The following CTNNA2 variants were observed in gnomAD, a reference collection of about 807,000 sequenced individuals.
CTNNA2 encodes catenin alpha 2.
CTNNA2 carries 42 observed loss-of-function variants against 101.0 expected under a neutral mutation model. The observed-to-expected ratio is 0.42, with a 90% confidence interval of 0.32 to 0.54. The LOEUF is 0.54. Among genes scored for constraint, CTNNA2 ranks in the 20% least tolerant of loss-of-function variants. CTNNA2 has a pLI of 0.14. For synonymous variants in CTNNA2, 450 were observed against 456.4 expected (o/e 0.99, Z 0.18); for missense variants, 871 against 1,223.1 (o/e 0.71, Z 4.29).
At chr2:79,338,365 T>C (rs1246554765) in intron 3 of CTNNA2, among the ~76,000 whole-genome samples, 3 of 151,692 alleles carry the variant, frequency 2.0e-5, no homozygotes, top group African/African-American at 7.3e-5. Flanking sequence ...CTATTCACAG[T>C]GAGTCCAGTG....
chr2:79,818,191 C>T (rs1677686110), intron 3 of CTNNA2, among the ~76,000 whole-genome samples: 1 of 152,122 alleles, frequency 6.6e-6, no homozygotes, highest in South Asian at 2.1e-4. Flanking sequence ...AGGAAGTTTG[C>T]TCTTTGTTCA....
intron 4 of CTNNA2, among the ~76,000 whole-genome samples, chr2:79,493,123 G>A (rs1347251834): frequency 6.6e-6 from 1 of 151,900 alleles, no homozygotes; most frequent in African/African-American, 2.4e-5. Context: ...AACAAGACAA[G>A]GATAACTGCT....
chr2:79,332,539 A>G (rs1053577030), intron 3 of CTNNA2, among the ~76,000 whole-genome samples: 1 of 152,222 alleles, frequency 6.6e-6, no homozygotes, highest in Non-Finnish European at 1.5e-5. Context: ...GTAGGATTGT[A>G]GAAAAATCTT....
intron 4 of CTNNA2, among the ~76,000 whole-genome samples, chr2:79,475,366 A>C (rs1443411540): frequency 6.6e-6 from 1 of 152,172 alleles, no homozygotes; most frequent in Non-Finnish European, 1.5e-5. Context: ...TCCAGGAAAA[A>C]AGGGAAGACA....
intron 7 of CTNNA2, among the ~76,000 whole-genome samples, chr2:80,257,252 T>C (rs1672244540): frequency 6.6e-6 from 1 of 151,624 alleles, no homozygotes. Flanking sequence ...TGTATATAAA[T>C]ACATACATAT....
chr2:79,799,181 GTT>G (rs72397142), intron 3 of CTNNA2, among the ~76,000 whole-genome samples: 46 of 143,672 alleles, frequency 3.2e-4, no homozygotes, highest in Non-Finnish European at 5.3e-4. Flanking sequence ...CTCAGATCTT[GTT>G]TTTTTTTTTT....
chr2:80,510,265 T>G (rs1158452104), intron 9 of CTNNA2, among the ~76,000 whole-genome samples: 1 of 152,202 alleles, frequency 6.6e-6, no homozygotes, highest in Non-Finnish European at 1.5e-5. Flanking sequence ...ATGTTGATGA[T>G]TACTACCTGT....
chr2:80,217,703 A>G (rs1365542184), intron 7 of CTNNA2, among the ~76,000 whole-genome samples: 1 of 152,126 alleles, frequency 6.6e-6, no homozygotes, highest in African/African-American at 2.4e-5. Context: ...CTGTGTAATG[A>G]TTTTGTTGTT....
chr2:79,246,063 T>C (rs996084119), intron 2 of CTNNA2, among the ~76,000 whole-genome samples: 1 of 152,272 alleles, frequency 6.6e-6, no homozygotes, highest in African/African-American at 2.4e-5. Flanking sequence ...TAAGTGATTT[T>C]CTCTAAACTT....
At chr2:79,462,338 T>TCTTCA (rs1276208700) in intron 4 of CTNNA2, among the ~76,000 whole-genome samples, 3 of 152,208 alleles carry the variant, frequency 2.0e-5, no homozygotes, top group Admixed American at 2.0e-4. Context: ...ATAATTTATC[T>TCTTCA]AGAGATTCAA....
chr2:80,333,422 A>C (rs570930473), intron 7 of CTNNA2, among the ~76,000 whole-genome samples: 1 of 152,326 alleles, frequency 6.6e-6, no homozygotes, highest in Non-Finnish European at 1.5e-5. Context: ...TTTAGAGAGC[A>C]TGTGAGGAAG....
intron 2 of CTNNA2, among the ~76,000 whole-genome samples, chr2:79,295,503 T>C (rs1476103729): frequency 6.6e-6 from 1 of 152,072 alleles, no homozygotes; most frequent in African/African-American, 2.4e-5. Flanking sequence ...TTCTTTTTTT[T>C]CTTTTTCTTT....
chr2:80,102,924 G>T (rs1700635230), intron 7 of CTNNA2, among the ~76,000 whole-genome samples: 1 of 152,150 alleles, frequency 6.6e-6, no homozygotes, highest in Non-Finnish European at 1.5e-5. Context: ...GACAGTGGGG[G>T]GCAGACCTAG....
At chr2:80,134,325 G>A (rs1341969569) in intron 7 of CTNNA2, among the ~76,000 whole-genome samples, 1 of 152,084 alleles carries the variant, frequency 6.6e-6, no homozygotes, top group Non-Finnish European at 1.5e-5. Context: ...AGGAGGCAGG[G>A]ATGAGACAAA....
intron 4 of CTNNA2, among the ~76,000 whole-genome samples, chr2:79,433,852 A>G (rs1159598): frequency 0.48 from 73,100 of 152,038 alleles, 18,378 homozygotes; most frequent in East Asian, 0.64. Flanking sequence ...CATTCATCAG[A>G]ATTTCGCACA....
At chr2:79,799,787 A>T (rs1309328371) in intron 3 of CTNNA2, among the ~76,000 whole-genome samples, 1 of 152,156 alleles carries the variant, frequency 6.6e-6, no homozygotes, top group Admixed American at 6.6e-5. Context: ...TTATTTTTCC[A>T]CAGGGTTATG....
intron 2 of CTNNA2, among the ~76,000 whole-genome samples, chr2:79,660,681 G>A (rs374045319): frequency 6.6e-6 from 1 of 152,038 alleles, no homozygotes; most frequent in Non-Finnish European, 1.5e-5. Context: ...TAACCAGTGT[G>A]TAGTCTGGAA....
intron 7 of CTNNA2, among the ~76,000 whole-genome samples, chr2:80,180,882 G>T (rs933882543): frequency 6.6e-6 from 1 of 152,102 alleles, no homozygotes; most frequent in Admixed American, 6.5e-5. Flanking sequence ...GCAAATAAAC[G>T]ATTAGACCAT....
chr2:79,234,405 C>A (rs1459318091), intron 2 of CTNNA2, among the ~76,000 whole-genome samples: 1 of 152,178 alleles, frequency 6.6e-6, no homozygotes, highest in Non-Finnish European at 1.5e-5. Flanking sequence ...GAGAGATCTG[C>A]TGCTAGCCCG....
Sources: allele counts gnomAD v4.1 joint callset (sites outside exome capture counted in the v4.1 genomes callset), GRCh38; gene constraint gnomAD v4.1.1; transcripts MANE v1.5; gene names NCBI Gene and HGNC (gene_info 2026-07-23, HGNC 2026-07-21).